The following LCLAT1 variants were observed in gnomAD, a reference collection of about 807,000 sequenced individuals.
The protein encoded by LCLAT1 is 1-AGP acyltransferase 8.
LCLAT1 carries 11 observed loss-of-function variants against 30.7 expected under a neutral mutation model. That is an observed-to-expected ratio of 0.36 (90% confidence interval 0.23 to 0.59). The LOEUF is 0.59. LCLAT1 is among the 20% of genes least tolerant of loss of function. The pLI is 0.77. For missense variants in LCLAT1, 402 were observed against 458.6 expected (o/e 0.88, Z 1.13); for synonymous variants, 155 against 151.3 (o/e 1.02, Z -0.18).
intron 2 of LCLAT1, among the ~76,000 whole-genome samples, chr2:30,529,885 A>G (rs1685906015): frequency 6.6e-6 from 1 of 152,236 alleles, no homozygotes; most frequent in South Asian, 2.1e-4. Context: ...AAGCAAAAGC[A>G]GACATGGAGA....
intron 4 of LCLAT1, 106 bp from the exon 5 acceptor site, chr2:30,567,954 G>A (rs997253822): frequency 6.4e-6 from 4 of 623,098 alleles, no homozygotes; most frequent in Non-Finnish European, 1.1e-5. Flanking sequence ...AGTAATTAGA[G>A]AATAATTAAC....
intron 1 of LCLAT1, among the ~76,000 whole-genome samples, chr2:30,491,412 T>G (rs945107820): frequency 6.6e-6 from 1 of 152,214 alleles, no homozygotes; most frequent in Admixed American, 6.5e-5. Context: ...ACAGTGAGGT[T>G]GTTAACTTGC....
At chr2:30,482,395 A>G (rs1030592076) in intron 1 of LCLAT1, among the ~76,000 whole-genome samples, 1 of 152,224 alleles carries the variant, frequency 6.6e-6, no homozygotes, top group African/African-American at 2.4e-5. Flanking sequence ...CCATTAAATG[A>G]AAGCAGATAG....
chr2:30,590,520 A>T (rs187929656), intron 5 of LCLAT1, among the ~76,000 whole-genome samples: 18 of 147,724 alleles, frequency 1.2e-4, no homozygotes, highest in East Asian at 3.9e-4. Flanking sequence ...GACATATTTT[A>T]TATATATATA....
chr2:30,613,611 G>A (rs1667848302), intron 5 of LCLAT1, among the ~76,000 whole-genome samples: 1 of 135,276 alleles, frequency 7.4e-6, no homozygotes, highest in Non-Finnish European at 1.6e-5. Context: ...AGCATATGGA[G>A]GATCCCGCCA....
chr2:30,589,035 A>G (rs1253534401), intron 5 of LCLAT1, among the ~76,000 whole-genome samples: 1 of 152,242 alleles, frequency 6.6e-6, no homozygotes, highest in East Asian at 1.9e-4. Context: ...AACTTGATGG[A>G]CAAGATTTTG....
rs568899270 is a variant in LCLAT1 at position 30,608,110 on chromosome 2, C to T, written c.629-32007C>T. ...CCGAGGCAGGTGGATCACCTGAGGTCGGGAGTTCAAGACTAGCCTGGCCAA... is the reference window on the plus strand; with the variant it reads ...CCGAGGCAGGTGGATCACCTGAGGTTGGGAGTTCAAGACTAGCCTGGCCAA... On this transcript the variant is annotated intron_variant, in intron 5 of 5. Transcript: ENST00000379509. Among the ~76,000 whole-genome samples the T allele has an allele frequency of 9.2e-4, 140 of 151,898 alleles. 1 individual carries two copies. Among genetic ancestry groups the T allele is most frequent in the South Asian group, 3.6e-3 (17 of 4,712 alleles).
At chr2:30,471,007 G>A (rs1682755652) in intron 1 of LCLAT1, among the ~76,000 whole-genome samples, 2 of 148,540 alleles carry the variant, frequency 1.3e-5, no homozygotes, top group Non-Finnish European at 3.0e-5. Context: ...TCTGCCTCCC[G>A]GATTCAAGCA....
chr2:30,485,282 C>T lies in LCLAT1; in HGVS notation c.-5+37899C>T, dbSNP rs191603190. 3.3e-5 allele frequency among the ~76,000 whole-genome samples: 5 copies of T among 152,252 alleles called. No homozygotes were observed. The East Asian group carries it at 7.7e-4, about 23-fold the overall frequency. Reference sequence around the variant, plus strand: ...GCTGACTAGAAAGATATATAGCTAACGTTTACATGACGTATTTGGAACTTA... The same window carrying T: ...GCTGACTAGAAAGATATATAGCTAATGTTTACATGACGTATTTGGAACTTA... On this transcript the variant is annotated intron_variant, in intron 1 of 5. Transcript: ENST00000379509.
intron 3 of LCLAT1, among the ~76,000 whole-genome samples, chr2:30,546,025 T>G (rs187252021): frequency 6.6e-6 from 1 of 152,334 alleles, no homozygotes; most frequent in African/African-American, 2.4e-5. Flanking sequence ...TCTGGAATTC[T>G]AAAGCATTAC....
chr2:30,534,951 A>G (rs1268143670), intron 3 of LCLAT1, among the ~76,000 whole-genome samples: 1 of 152,230 alleles, frequency 6.6e-6, no homozygotes, highest in African/African-American at 2.4e-5. Context: ...GAGATATACT[A>G]ACAGGATATT....
At chr2:30,616,240 T>C (rs1231961490) in intron 5 of LCLAT1, among the ~76,000 whole-genome samples, 1 of 152,158 alleles carries the variant, frequency 6.6e-6, no homozygotes, top group Non-Finnish European at 1.5e-5. Context: ...TTGAAATGGA[T>C]GTTTAAACCA....
chr2:30,500,131 A>T (rs2148340889), intron 1 of LCLAT1, among the ~76,000 whole-genome samples: 1 of 152,372 alleles, frequency 6.6e-6, no homozygotes, highest in East Asian at 1.9e-4. Flanking sequence ...GGTTGATAGA[A>T]TTCAATCAGA....
chr2:30,496,240 T>G (rs573220566), intron 1 of LCLAT1, among the ~76,000 whole-genome samples: 7 of 152,300 alleles, frequency 4.6e-5, no homozygotes, highest in East Asian at 3.9e-4. Flanking sequence ...CTTCCAACAT[T>G]GGGGATTGCA....
chr2:30,572,773 T>G (rs967994484), intron 5 of LCLAT1, among the ~76,000 whole-genome samples: 1 of 151,904 alleles, frequency 6.6e-6, no homozygotes, highest in Non-Finnish European at 1.5e-5. Flanking sequence ...GAGTTCTGTT[T>G]AAATGAAAAA....
At chr2:30,603,289 A>G (rs1667278406) in intron 5 of LCLAT1, among the ~76,000 whole-genome samples, 1 of 152,118 alleles carries the variant, frequency 6.6e-6, no homozygotes, top group African/African-American at 2.4e-5. Flanking sequence ...TTTTAAAAAA[A>G]CCTAGCGTGT....
At chr2:30,621,308 G>GGA (rs1668236746) in intron 5 of LCLAT1, among the ~76,000 whole-genome samples, 1 of 152,100 alleles carries the variant, frequency 6.6e-6, no homozygotes, top group Non-Finnish European at 1.5e-5. Context: ...CTATATTGAG[G>GGA]CCTCAATCTC....
rs116435011 is a variant in LCLAT1 at position 30,539,309 on chromosome 2, G to A, written c.364+5995G>A. Among the ~76,000 whole-genome samples, 965 of 137,674 alleles carry A rather than the reference G, an allele frequency of 7.0e-3. 11 individuals carry two copies. Among genetic ancestry groups the A allele is most frequent in the African/African-American group, 0.026 (917 of 35,918 alleles). 90.3% of individuals were successfully genotyped at this position (137,674 alleles called of 152,430 possible). ...TCACTCTCACACATGCTAGAGTACA[G>A]TGGCATGATCATAGCTCACTGCAAT... On this transcript the variant is annotated intron_variant, in intron 3 of 5. Transcript: ENST00000379509.
intron 5 of LCLAT1, among the ~76,000 whole-genome samples, chr2:30,633,207 A>G (rs1230122561): frequency 6.6e-6 from 1 of 152,144 alleles, no homozygotes; most frequent in African/African-American, 2.4e-5. Flanking sequence ...TTTCTTTTTA[A>G]TTTGAAAAAC....
Sources: gnomAD v4.1 joint callset for allele counts (sites outside exome capture counted in the v4.1 genomes callset) on GRCh38, gnomAD v4.1.1 for gene constraint, MANE v1.5 for transcripts, NCBI Gene and HGNC (gene_info 2026-07-23, HGNC 2026-07-21) for gene names.